The following ZKSCAN1 variants were observed in gnomAD, a reference collection of about 807,000 sequenced individuals.
ZKSCAN1 encodes zinc finger with KRAB and SCAN domains 1.
In ZKSCAN1, 14 loss-of-function variants were observed where a neutral mutation model predicts 51.6. The ratio of observed to expected loss-of-function variants is 0.27; its 90% confidence interval spans 0.18 to 0.42. The LOEUF is 0.42. ZKSCAN1 is among the 10% of genes least tolerant of loss of function. The pLI, the probability that ZKSCAN1 is intolerant of heterozygous loss-of-function variation, is 1.00. For missense variants in ZKSCAN1, 531 were observed against 710.0 expected, an observed-to-expected ratio of 0.75 and a Z score of 2.86; for synonymous variants, 263 against 261.5, an observed-to-expected ratio of 1.01 and a Z score of -0.06.
chr7:100,024,316 C>G lies in ZKSCAN1; in HGVS notation c.580+9C>G. ...CCTCTTACAGTCACGAGGTAAGAAG[C>G]AAGGTTTCATTTAGGGGAAGGGAAA... On this transcript the variant is annotated intron_variant, in intron 3 of 5. Coordinates refer to ENST00000324306, the MANE Select transcript of ZKSCAN1 (RefSeq NM_003439.4). 6.2e-7 allele frequency: 1 copy of G among 1,613,504 alleles called. No homozygotes were observed. Among genetic ancestry groups the G allele is most frequent in the Non-Finnish European group, 8.5e-7 (1 of 1,179,846 alleles).
rs1314959367 is a variant in ZKSCAN1, at chr7:100,039,526, G to A, written c.*5329G>A. On this transcript the variant is annotated 3_prime_UTR_variant, in exon 6 of 6. Coordinates refer to ENST00000324306, the MANE Select transcript of ZKSCAN1 (RefSeq NM_003439.4). ...CCCCTGGTTTGTGATTATTAGGAGA[G>A]AGGTTTTGCAAAGACTCGTTGCTGT... 1.0e-6 allele frequency: 1 copy of A among 985,242 alleles called. No individual in the cohort carries two copies. The highest frequency in any genetic ancestry group is 1.2e-6 in the Non-Finnish European group (1 of 829,916). 61.0% of individuals were successfully genotyped at this position (985,242 alleles called of 1,614,324 possible). A position where few individuals can be genotyped will look rare whatever the true frequency, so the allele number is the denominator to read the frequency against.
At chr7:100,031,882 G>C (rs1791121724) in intron 5 of ZKSCAN1, among the ~76,000 whole-genome samples, 1 of 152,128 alleles carries the variant, frequency 6.6e-6, no homozygotes, top group South Asian at 2.1e-4. Flanking sequence ...TTCAGGACCA[G>C]CATGGGCAAT....
In ZKSCAN1 at chr7:100,015,931, A is replaced by G. The variant is rs533804777; in HGVS notation, c.-89+205A>G. On this transcript the variant is annotated intron_variant, in intron 1 of 5. Transcript: ENST00000324306. ...GAGACGTCCCCGCCCCACCCCCAGGATCAGGCGGGGAGGGGGCGAGGGTTT... is the reference window on the plus strand; with the variant it reads ...GAGACGTCCCCGCCCCACCCCCAGGGTCAGGCGGGGAGGGGGCGAGGGTTT... Among the ~76,000 whole-genome samples, 29 of 152,214 alleles carry G rather than the reference A, an allele frequency of 1.9e-4. No individual in the cohort carries two copies. In the East Asian group the frequency reaches 5.6e-3, roughly 29 times the overall value.
chr7:100,034,234 T>C lies in ZKSCAN1; in HGVS notation c.*37T>C. 6.7e-7 allele frequency: 1 copy of C among 1,499,276 alleles called. No individual in the cohort carries two copies. Among genetic ancestry groups the C allele is most frequent in the Middle Eastern group, 1.8e-4 (1 of 5,540 alleles). The allele number at this position is 1,499,276 out of a possible 1,614,324, so 92.9% of individuals were successfully genotyped here. A position where few individuals can be genotyped will look rare whatever the true frequency, so the allele number is the denominator to read the frequency against. ...GCCATCAAGCCATTTCCCCCTTTTG[T>C]TTCTAAAATTATTTCAGAGATGTGT... On this transcript the variant is annotated 3_prime_UTR_variant, in exon 6 of 6. Transcript: ENST00000324306.
intron 3 of ZKSCAN1, 90 bp downstream of exon 3, chr7:100,024,397 A>C: frequency 6.7e-7 from 1 of 1,489,918 alleles, no homozygotes; most frequent in Non-Finnish European, 9.0e-7. Flanking sequence ...GAAGCATGTT[A>C]GTCCTGGGCA....
At chr7:100,015,786 G>A (rs1471340915) in intron 1 of ZKSCAN1, 60 bp downstream of exon 1, 1 of 152,382 alleles carries the variant, frequency 6.6e-6, no homozygotes, top group Admixed American at 6.5e-5. Flanking sequence ...GTGTGCGCGA[G>A]GGTGGGCTCC....
Position 100,035,080 on chromosome 7 carries a change from C to G in ZKSCAN1, c.*883C>G, listed in dbSNP as rs1332331302. 6.6e-6 allele frequency: 1 copy of G among 152,618 alleles called. No individual in the cohort carries two copies. The highest frequency in any genetic ancestry group is 2.4e-5 in the African/African-American group (1 of 41,428). The allele number at this position is 152,618 out of a possible 1,614,324, so 9.5% of individuals were successfully genotyped here. Reference sequence around the variant, plus strand: ...GATTCGGTTGTCAAGGGATATATTTCTATCCCTGCCAGCACAGTGCTGGAC... The same window carrying G: ...GATTCGGTTGTCAAGGGATATATTTGTATCCCTGCCAGCACAGTGCTGGAC... On this transcript the variant is annotated 3_prime_UTR_variant, in exon 6 of 6. Coordinates refer to ENST00000324306, the MANE Select transcript of ZKSCAN1 (RefSeq NM_003439.4).
intron 1 of ZKSCAN1, among the ~76,000 whole-genome samples, chr7:100,019,542 A>G (rs996626423): frequency 2.0e-5 from 3 of 151,742 alleles, no homozygotes; most frequent in African/African-American, 7.3e-5. Context: ...ATAGGCCTTC[A>G]TTTTAGGATC....
At chr7:100,028,351 CAA>C (rs765051536) in intron 3 of ZKSCAN1, among the ~76,000 whole-genome samples, 7 of 136,666 alleles carry the variant, frequency 5.1e-5, no homozygotes, top group Non-Finnish European at 8.0e-5. Flanking sequence ...ACTCCATCTC[CAA>C]AAAAAAAAAA....
chr7:100,035,358 A>G lies in ZKSCAN1; in HGVS notation c.*1161A>G, dbSNP rs1223029474. ...CTAAACAGTGAGTAAATACCATGGA[A>G]TGTCAGAAATGACTTTATCATCGTC... On this transcript the variant is annotated 3_prime_UTR_variant, in exon 6 of 6. Coordinates refer to ENST00000324306, the MANE Select transcript of ZKSCAN1 (RefSeq NM_003439.4). 1 of 152,206 alleles carries G rather than the reference A, an allele frequency of 6.6e-6. No homozygotes were observed. 9.4% of individuals were successfully genotyped at this position (152,206 alleles called of 1,614,324 possible). A position where few individuals can be genotyped will look rare whatever the true frequency, so the allele number is the denominator to read the frequency against.
Position 100,033,926 on chromosome 7 carries a change from C to T in ZKSCAN1, c.1421C>T (p.Ser474Leu), listed in dbSNP as rs767423571. The T allele has an allele frequency of 5.0e-6, 8 of 1,614,176 alleles. No homozygotes were observed. In the South Asian group the frequency reaches 8.8e-5, roughly 18 times the overall value. The change falls in exon 6 of 6, where the codon TCG (serine) becomes TTG (leucine). Residue 474 changes from serine (S) to leucine (L), a missense_variant. Physicochemically the swap from Ser to Leu is moderately radical, Grantham distance 145. Around this residue, in one of 2 missense-constraint regions of ZKSCAN1, gnomAD observed 128 missense variants for 219.5 expected, o/e 0.58. Coordinates refer to ENST00000324306, the MANE Select transcript of ZKSCAN1 (RefSeq NM_003439.4). The surrounding 1 kb of genome is among the most constrained non-coding windows in gnomAD (Gnocchi z 4.1). ...TGCGGGAAGGCCTTCAGCCAGAGCT[C>T]GGACCTCACCAAGCATCAGAGAATT... ...NECGKAFSQSSDLTKHQRIHT... is the reference protein window; with the variant it reads ...NECGKAFSQSLDLTKHQRIHT...
Position 100,039,691 on chromosome 7 carries a change from C to G in ZKSCAN1, c.*5494C>G. 2.0e-6 allele frequency: 2 copies of G among 985,422 alleles called. No homozygotes were observed. Among genetic ancestry groups the G allele is most frequent in the Non-Finnish European group, 2.4e-6 (2 of 829,940 alleles). The allele number at this position is 985,422 out of a possible 1,614,324, so 61.0% of individuals were successfully genotyped here. On this transcript the variant is annotated 3_prime_UTR_variant, in exon 6 of 6. Coordinates refer to ENST00000324306, the MANE Select transcript of ZKSCAN1 (RefSeq NM_003439.4). ...AGACTGTGTGTATGAATTGGAGTAA[C>G]AGAACTGAAATACACTTAAACAGTG...
chr7:100,028,139 G>C (rs546523393), intron 3 of ZKSCAN1, among the ~76,000 whole-genome samples: 1 of 152,230 alleles, frequency 6.6e-6, no homozygotes, highest in South Asian at 2.1e-4. Flanking sequence ...CAGATCATAA[G>C]GTCAAGAGAT....
chr7:100,032,751 G>C (rs767578216), intron 5 of ZKSCAN1, among the ~76,000 whole-genome samples: 1 of 151,946 alleles, frequency 6.6e-6, no homozygotes, highest in Non-Finnish European at 1.5e-5. Flanking sequence ...GCTCACGCCT[G>C]TAATCCCAGC....
chr7:100,038,440 G>C lies in ZKSCAN1; in HGVS notation c.*4243G>C. On this transcript the variant is annotated 3_prime_UTR_variant, in exon 6 of 6. Transcript: ENST00000324306. The stretch of plus-strand genomic sequence containing the variant: ...TTGGTAAATTTCTGAGGAAAGACAG[G>C]CTAATGGGGCACTGAAATGGAACAA... The C allele has an allele frequency of 1.1e-5, 11 of 985,418 alleles. No individual in the cohort carries two copies. Among genetic ancestry groups the C allele is most frequent in the Non-Finnish European group, 1.3e-5 (11 of 829,920 alleles). The allele number at this position is 985,418 out of a possible 1,614,324, so 61.0% of individuals were successfully genotyped here.
rs368382841 is a variant in ZKSCAN1 at position 100,034,192 on chromosome 7, G to A, written c.1687G>A (p.Val563Met). The change falls in exon 6 of 6, where the codon GTG (valine) becomes ATG (methionine). Residue 563 changes from valine (V) to methionine (M), a missense_variant. Physicochemically the swap from Val to Met is conservative, Grantham distance 21. Around this residue, in one of 2 missense-constraint regions of ZKSCAN1, gnomAD observed 128 missense variants for 219.5 expected, o/e 0.58. Transcript: ENST00000324306. Reference sequence around the variant, plus strand: ...ATTTGGCGCGTTCCTGAAAAGTTGTGTGTAAAGGAAGAATTTGCCATCAAG... The same window carrying A: ...ATTTGGCGCGTTCCTGAAAAGTTGTATGTAAAGGAAGAATTTGCCATCAAG... ...DAFGAFLKSC[V>M] 1.3e-6 allele frequency: 2 copies of A among 1,503,996 alleles called. No homozygotes were observed. The highest frequency in any genetic ancestry group is 8.8e-7 in the Non-Finnish European group (1 of 1,134,444). The allele number at this position is 1,503,996 out of a possible 1,614,324, so 93.2% of individuals were successfully genotyped here.
At position 100,023,988 on chromosome 7, in the gene ZKSCAN1, G is replaced by A. The variant is rs1562819506; in HGVS notation, c.426+56G>A. On this transcript the variant is annotated intron_variant, in intron 2 of 5. Coordinates refer to ENST00000324306, the MANE Select transcript of ZKSCAN1 (RefSeq NM_003439.4). ...GCAGGGCACAGACGTTGAAACTGGAGCCAGGAGAAGTATTGGCAGGCTTTA... is the reference window on the plus strand; with the variant it reads ...GCAGGGCACAGACGTTGAAACTGGAACCAGGAGAAGTATTGGCAGGCTTTA... 6 of 1,525,496 alleles carry A rather than the reference G, an allele frequency of 3.9e-6. No individual in the cohort carries two copies. The East Asian group carries it at 1.4e-4, about 34-fold the overall frequency. 94.5% of individuals were successfully genotyped at this position (1,525,496 alleles called of 1,614,324 possible).
chr7:100,030,205 C>T, intron 4 of ZKSCAN1, 44 bp from the exon 5 acceptor site: 3 of 1,601,126 alleles, frequency 1.9e-6, no homozygotes, highest in Non-Finnish European at 2.6e-6. Context: ...TGGGATTGTC[C>T]CTGAGTTTGG....
At chr7:100,021,917 T>A (rs73158413) in intron 1 of ZKSCAN1, among the ~76,000 whole-genome samples, 12,218 of 152,004 alleles carry the variant, frequency 0.08, 674 homozygotes, top group Non-Finnish European at 0.12. Flanking sequence ...CTAATTTTTT[T>A]CTTTTTCATA....
Sources: allele counts gnomAD v4.1 joint callset (sites outside exome capture counted in the v4.1 genomes callset), GRCh38; gene constraint gnomAD v4.1.1; regional missense constraint gnomAD v4.1.1; non-coding constraint Gnocchi (gnomAD v3.1); transcripts MANE v1.5; gene names NCBI Gene and HGNC (gene_info 2026-07-23, HGNC 2026-07-21).